Variants in BEST3 observed in about 807,000 individuals in gnomAD.
The protein encoded by BEST3 is bestrophin-3.
BEST3 carries 50 observed loss-of-function variants against 47.1 expected under a neutral mutation model. The observed-to-expected ratio is 1.06, with a 90% CI of 0.85 to 1.34. The LOEUF (loss-of-function observed/expected upper bound fraction) is 1.34. Among genes scored for constraint, BEST3 ranks in the 40% most tolerant of loss-of-function variants. The pLI is 0.00. For missense variants in BEST3, 765 were observed against 817.0 expected (o/e 0.94, Z 0.78); for synonymous variants, 282 against 298.8 (o/e 0.94, Z 0.58).
downstream of BEST3, among the ~76,000 whole-genome samples, chr12:69,649,578 A>G (rs1883145924): frequency 1.3e-5 from 2 of 152,096 alleles, no homozygotes; most frequent in Non-Finnish European, 2.9e-5. Context: ...CTTATCATTA[A>G]TCTCCTTGAT....
At chr12:69,694,223 C>A in intron 3 of BEST3, 147 bp downstream of exon 3, 1 of 612,170 alleles carries the variant, frequency 1.6e-6, no homozygotes. Context: ...GCCGTGAAGG[C>A]AAACCTTATG....
chr12:69,687,662 TCA>T (rs1555208708), intron 4 of BEST3, among the ~76,000 whole-genome samples: 1 of 17,764 alleles, frequency 5.6e-5, no homozygotes, highest in African/African-American at 1.4e-4. Flanking sequence ...AGAACGTGTC[TCA>T]AAAAAAAAAA....
intron 7 of BEST3, among the ~76,000 whole-genome samples, chr12:69,673,464 G>T (rs1460356089): frequency 6.6e-6 from 1 of 152,130 alleles, no homozygotes; most frequent in African/African-American, 2.4e-5. Flanking sequence ...TTTAGACAGT[G>T]TCTCGCCCTG....
chr12:69,655,933 G>A (rs548486942), intron 9 of BEST3, 120 bp from the exon 10 acceptor site: 11 of 1,420,478 alleles, frequency 7.7e-6, no homozygotes, highest in South Asian at 4.5e-5. Flanking sequence ...TTAAATGGGG[G>A]TTTGAGGACT....
intron 9 of BEST3, among the ~76,000 whole-genome samples, chr12:69,659,648 C>T (rs1457800396): frequency 5.3e-5 from 8 of 152,018 alleles, no homozygotes; most frequent in African/African-American, 1.7e-4. Context: ...CCACCACACT[C>T]AGCCTTAGAA....
chr12:69,661,493 A>C (rs1000885931), intron 9 of BEST3: 4 of 152,240 alleles, frequency 2.6e-5, no homozygotes, highest in Admixed American at 2.0e-4. Flanking sequence ...AGAATCTATC[A>C]GGGCAGAGAC....
downstream of BEST3, among the ~76,000 whole-genome samples, chr12:69,651,543 T>C (rs1203740726): frequency 2.0e-5 from 3 of 151,910 alleles, no homozygotes; most frequent in Non-Finnish European, 4.4e-5. Context: ...GAGGCCAAGA[T>C]GGGTGGATCA....
chr12:69,692,185 A>C (rs1199504022), intron 4 of BEST3, among the ~76,000 whole-genome samples: 3 of 152,212 alleles, frequency 2.0e-5, no homozygotes, highest in Non-Finnish European at 4.4e-5. Context: ...AAACAAAAAC[A>C]ACAACAACAA....
rs528961147 is a variant in BEST3 at position 69,657,666 on chromosome 12, G to A, written c.1101-1853C>T. Among the ~76,000 whole-genome samples, 21 of 152,260 alleles carry A rather than the reference G, an allele frequency of 1.4e-4. No homozygotes were observed. In the East Asian group the frequency reaches 2.1e-3, roughly 15 times the overall value. On this transcript the variant is annotated intron_variant, in intron 9 of 9. Coordinates refer to ENST00000330891, the MANE Select transcript of BEST3 (RefSeq NM_032735.3). ...GTGACATCTCTGGTGACAAGATGCCGGGTGCATTTTATGTGACATGAAGGA... is the reference window on the plus strand; with the variant it reads ...GTGACATCTCTGGTGACAAGATGCCAGGTGCATTTTATGTGACATGAAGGA...
At chr12:69,645,968 G>A (rs1410338449) in intron 9 of BEST3, among the ~76,000 whole-genome samples, 2 of 152,062 alleles carry the variant, frequency 1.3e-5, no homozygotes, top group South Asian at 2.1e-4. Context: ...ATGGAGTCTC[G>A]CTCTGTCACC....
rs751380909 is a variant in BEST3 at position 69,693,782 on chromosome 12, T to A, written c.373A>T (p.Arg125Ter). The change falls in exon 4 of 10, where the codon AGA becomes TGA. Residue 125 changes from arginine (R) to a stop codon, truncating the protein, a stop_gained. Transcript: ENST00000330891. LOFTEE classifies it high-confidence loss of function. ...HGSDEHGRLL[R>*]RTLMRYVNLT... ...TTGACGTAGCGCATCAGCGTCCTTC[T>A]AAGCAGGCGCCCGTGCTCGTCGCTT... The A allele has an allele frequency of 5.6e-6, 9 of 1,614,042 alleles. No homozygotes were observed.
intron 9 of BEST3, 43 bp from the exon 10 acceptor site, chr12:69,655,856 G>A: frequency 6.5e-7 from 1 of 1,541,082 alleles, no homozygotes; most frequent in Non-Finnish European, 8.7e-7. Context: ...TAGCTTCGGG[G>A]GCCTAGCTTT....
At chr12:69,692,836 C>T (rs1318764772) in intron 4 of BEST3, among the ~76,000 whole-genome samples, 1 of 152,156 alleles carries the variant, frequency 6.6e-6, no homozygotes, top group Non-Finnish European at 1.5e-5. Flanking sequence ...GATCTTGGCT[C>T]ACTGCAACCT....
chr12:69,671,346 C>CT (rs5798946), intron 9 of BEST3, 82 bp downstream of exon 9: 3,424 of 1,074,926 alleles, frequency 3.2e-3, no homozygotes, highest in East Asian at 9.2e-3. Flanking sequence ...TATTTTATTT[C>CT]TTTTTTTTTT....
At chr12:69,675,161 C>T (rs1884829674) in intron 7 of BEST3, among the ~76,000 whole-genome samples, 1 of 151,982 alleles carries the variant, frequency 6.6e-6, no homozygotes, top group Non-Finnish European at 1.5e-5. Flanking sequence ...GCTCTGTTAC[C>T]CAGGCTGGAG....
intron 2 of BEST3, among the ~76,000 whole-genome samples, chr12:69,694,734 A>G (rs918966521): frequency 1.3e-5 from 2 of 152,192 alleles, no homozygotes; most frequent in South Asian, 2.1e-4. Flanking sequence ...TAAAAGTTTT[A>G]TATGATTGAT....
At chr12:69,687,751 T>C (rs1334170321) in intron 4 of BEST3, among the ~76,000 whole-genome samples, 1 of 152,144 alleles carries the variant, frequency 6.6e-6, no homozygotes, top group East Asian at 1.9e-4. Flanking sequence ...ACTACTCTTA[T>C]GAACTACTAA....
chr12:69,690,654 G>C (rs1246779848), intron 4 of BEST3, among the ~76,000 whole-genome samples: 1 of 152,192 alleles, frequency 6.6e-6, no homozygotes, highest in Non-Finnish European at 1.5e-5. Flanking sequence ...GGATGCGTCA[G>C]AACTAGAGAA....
At position 69,693,878 on chromosome 12, in the gene BEST3, A is replaced by G. The variant is rs753838532; in HGVS notation, c.277T>C (p.Trp93Arg). ...GFYVTLVVNR[W>R]WNQFVNLPWP... ...GGCAAATTCACAAACTGGTTCCACC[A>G]TCGGTTCACTACCAGAGTAACATAA... The change falls in exon 4 of 10, where the codon TGG becomes CGG. Residue 93 changes from tryptophan (W) to arginine (R), a missense_variant. Trp to Arg is a moderately radical substitution (Grantham distance 101, BLOSUM62 -3). Transcript: ENST00000330891. The G allele has an allele frequency of 6.2e-7, 1 of 1,612,346 alleles. No individual in the cohort carries two copies. Among genetic ancestry groups the G allele is most frequent in the Non-Finnish European group, 8.5e-7 (1 of 1,179,126 alleles).
Sources: allele counts gnomAD v4.1 joint callset (sites outside exome capture counted in the v4.1 genomes callset), GRCh38; gene constraint gnomAD v4.1.1; transcripts MANE v1.5; gene names NCBI Gene and HGNC (gene_info 2026-07-23, HGNC 2026-07-21).